CHIA: variants seen among roughly 807,000 people sequenced by gnomAD.
CHIA encodes acidic mammalian chitinase.
In CHIA, 47 loss-of-function variants were observed where a neutral mutation model predicts 53.5. The observed-to-expected ratio is 0.88, with a 90% confidence interval of 0.70 to 1.12. The LOEUF is 1.12. Among genes scored for constraint, CHIA ranks in the 50% most tolerant of loss-of-function variants. CHIA has a pLI of 0.00. For missense variants in CHIA, 652 were observed against 592.2 expected (o/e 1.10, Z -1.05); for synonymous variants, 268 against 222.2 (o/e 1.21, Z -1.83).
At chr1:111,297,237 C>T (rs188198499) in intron 1 of CHIA, among the ~76,000 whole-genome samples, 1 of 152,044 alleles carries the variant, frequency 6.6e-6, no homozygotes, top group Non-Finnish European at 1.5e-5. Context: ...CCACAAAGAT[C>T]CTCCTAGAGA....
At chr1:111,304,367 G>A (rs144941008) in intron 1 of CHIA, among the ~76,000 whole-genome samples, 1 of 152,168 alleles carries the variant, frequency 6.6e-6, no homozygotes. Context: ...TTCCCACAAT[G>A]TATATGTTGG....
In CHIA at chr1:111,315,405, G is replaced by A; in HGVS notation, c.450G>A (p.Gln150=). The change falls in exon 6 of 12, where the codon CAG becomes CAA. Residue 150 remains glutamine (Q), a synonymous_variant. Transcript: ENST00000369740. ...EYPGSRGSPP[Q]DKHLFTVLVQ... The stretch of plus-strand genomic sequence containing the variant: ...CTGGCTCTCGTGGGAGCCCTCCTCA[G>A]GACAAGCATCTCTTCACTGTCCTGG... 1 of 1,614,098 alleles carries A rather than the reference G, an allele frequency of 6.2e-7. No individual in the cohort carries two copies.
intron 4 of CHIA, among the ~76,000 whole-genome samples, chr1:111,313,278 C>A (rs1648832624): frequency 6.6e-6 from 1 of 152,154 alleles, no homozygotes; most frequent in Non-Finnish European, 1.5e-5. Context: ...CAACAGTGGG[C>A]AAGAGTTCCT....
At chr1:111,295,179 T>G (rs1044712831) in intron 1 of CHIA, among the ~76,000 whole-genome samples, 5 of 152,188 alleles carry the variant, frequency 3.3e-5, no homozygotes, top group African/African-American at 4.8e-5. Context: ...TGGAAACTTA[T>G]TGCATTTTAT....
At chr1:111,314,787 T>G in intron 5 of CHIA, 191 bp downstream of exon 5, 1 of 547,562 alleles carries the variant, frequency 1.8e-6, no homozygotes, top group South Asian at 2.5e-5. Context: ...TTCATACATT[T>G]AATTTGGTGG....
chr1:111,319,160 A>ATGCC lies in CHIA; in HGVS notation c.957_960dup (p.Pro321CysfsTer18). 1 of 1,614,114 alleles carries ATGCC rather than the reference A, an allele frequency of 6.2e-7. No individual in the cohort carries two copies. Among genetic ancestry groups the ATGCC allele is most frequent in the Non-Finnish European group, 8.5e-7 (1 of 1,180,022 alleles). On this transcript the variant is annotated frameshift_variant, in exon 10 of 12. Transcript: ENST00000369740. LOFTEE classifies it high-confidence loss of function. ...AAAAATGGAGCCACTCAGGGATGGG[A>ATGCC]TGCCCCTCAGGAAGTGCCTTATGCC...
At chr1:111,305,431 T>C (rs1370617654) in intron 1 of CHIA, among the ~76,000 whole-genome samples, 1 of 152,098 alleles carries the variant, frequency 6.6e-6, no homozygotes. Flanking sequence ...AGAGCACAGA[T>C]CTCTGATAGT....
chr1:111,291,689 A>G (rs564011536), intron 1 of CHIA, among the ~76,000 whole-genome samples: 1 of 152,248 alleles, frequency 6.6e-6, no homozygotes, highest in African/African-American at 2.4e-5. Flanking sequence ...TTTTTTAAAA[A>G]GGGGGGAAAA....
intron 4 of CHIA, 101 bp from the exon 5 acceptor site, chr1:111,314,439 A>G (rs1275168793): frequency 3.6e-5 from 28 of 784,378 alleles, no homozygotes; most frequent in Non-Finnish European, 5.8e-5. Context: ...ACAAAAGGCA[A>G]AACAAAAATA....
intron 2 of CHIA, 77 bp from the exon 3 acceptor site, chr1:111,311,612 G>A: frequency 6.6e-7 from 1 of 1,525,374 alleles, no homozygotes; most frequent in East Asian, 2.3e-5. Context: ...AAATTGGAAG[G>A]CAATCAATCC....
At chr1:111,314,618 T>C (rs776205309) in intron 5 of CHIA, 22 bp downstream of exon 5, 6 of 1,597,656 alleles carry the variant, frequency 3.8e-6, no homozygotes, top group East Asian at 4.5e-5. Flanking sequence ...ATGGAGAGCA[T>C]GTTGTTCGTT....
intron 1 of CHIA, among the ~76,000 whole-genome samples, chr1:111,308,804 C>G (rs1161539692): frequency 6.6e-6 from 1 of 152,176 alleles, no homozygotes; most frequent in African/African-American, 2.4e-5. Flanking sequence ...GTATTAGAGG[C>G]AGGTTCTGTA....
intron 11 of CHIA, 36 bp from the exon 12 acceptor site, chr1:111,320,177 A>C: frequency 6.3e-7 from 1 of 1,593,852 alleles, no homozygotes; most frequent in Non-Finnish European, 8.6e-7. Context: ...GCCTCTCCCA[A>C]GCCCACTAGT....
chr1:111,292,321 A>G (rs1243078781), intron 1 of CHIA, among the ~76,000 whole-genome samples: 1 of 152,226 alleles, frequency 6.6e-6, no homozygotes, highest in East Asian at 1.9e-4. Flanking sequence ...GTCTAATGTC[A>G]CATATCTAGA....
intron 1 of CHIA, among the ~76,000 whole-genome samples, chr1:111,299,743 A>G (rs1647547188): frequency 6.6e-6 from 1 of 152,208 alleles, no homozygotes; most frequent in African/African-American, 2.4e-5. Context: ...GGCCAGGGCA[A>G]TCAGGCAAGA....
intron 6 of CHIA, chr1:111,316,141 G>A: frequency 8.1e-6 from 2 of 245,820 alleles, no homozygotes; most frequent in Admixed American, 9.9e-5. Flanking sequence ...AACCAATTAA[G>A]TGAGGATGGG....
intron 1 of CHIA, among the ~76,000 whole-genome samples, chr1:111,298,976 C>T (rs6675853): frequency 0.97 from 148,442 of 152,250 alleles, 72,472 homozygotes; most frequent in East Asian, 1. Flanking sequence ...ACAAATAAAC[C>T]AGAAAATCTA....
At chr1:111,310,351 T>C (rs1361625154) in intron 1 of CHIA, 49 bp from the exon 2 acceptor site, 3 of 1,560,590 alleles carry the variant, frequency 1.9e-6, no homozygotes, top group African/African-American at 2.7e-5. Flanking sequence ...GGTCCGTTGA[T>C]TTACTGATTA....
At chr1:111,313,725 C>G (rs1381706025) in intron 4 of CHIA, among the ~76,000 whole-genome samples, 1 of 151,956 alleles carries the variant, frequency 6.6e-6, no homozygotes, top group Non-Finnish European at 1.5e-5. Context: ...TGCTGTAGCT[C>G]TTGGAGCTTT....
Sources: gnomAD v4.1 joint callset for allele counts (sites outside exome capture counted in the v4.1 genomes callset) on GRCh38, gnomAD v4.1.1 for gene constraint, MANE v1.5 for transcripts, NCBI Gene and HGNC (gene_info 2026-07-23, HGNC 2026-07-21) for gene names.